ITGA9: variants seen among roughly 807,000 people sequenced by gnomAD.
ITGA9 encodes integrin alpha-9.
A neutral mutation model predicts 127.8 loss-of-function variants in ITGA9; 56 were observed. The ratio of observed to expected loss-of-function variants is 0.44; its 90% CI spans 0.35 to 0.55. ITGA9 has a LOEUF of 0.55. ITGA9 is among the 20% of genes least tolerant of loss of function. ITGA9 has a pLI of 0.00. For synonymous variants in ITGA9, 508 were observed against 514.5 expected (o/e 0.99, Z 0.17); for missense variants, 1,196 against 1,347.1 (o/e 0.89, Z 1.76).
chr3:37,755,406 C>T (rs1261583413), intron 23 of ITGA9, among the ~76,000 whole-genome samples: 1 of 152,022 alleles, frequency 6.6e-6, no homozygotes, highest in Non-Finnish European at 1.5e-5. Flanking sequence ...GGAGGAGCAT[C>T]AACACCAGGG....
At chr3:37,679,534 T>G (rs1700714905) in intron 17 of ITGA9, among the ~76,000 whole-genome samples, 1 of 152,138 alleles carries the variant, frequency 6.6e-6, no homozygotes, top group Admixed American at 6.5e-5. Flanking sequence ...TTGGGTGGGT[T>G]CCCCTTTCTG....
At chr3:37,580,054 C>T in intron 15 of ITGA9, among the ~76,000 whole-genome samples, 1 of 152,194 alleles carries the variant, frequency 6.6e-6, no homozygotes, top group East Asian at 1.9e-4. Context: ...CAGTATGGTA[C>T]ATATGAAGTA....
At chr3:37,461,278 T>C (rs1473858287) in intron 1 of ITGA9, among the ~76,000 whole-genome samples, 1 of 152,200 alleles carries the variant, frequency 6.6e-6, no homozygotes. Flanking sequence ...GAGAGTGGGC[T>C]CCAGCATTAG....
chr3:37,749,991 G>T (rs1696561087), intron 22 of ITGA9, among the ~76,000 whole-genome samples: 4 of 152,060 alleles, frequency 2.6e-5, no homozygotes. Flanking sequence ...ATATGAATCT[G>T]CCAGCCCCAC....
chr3:37,750,857 G>A (rs141442764), intron 23 of ITGA9, among the ~76,000 whole-genome samples: 1 of 152,376 alleles, frequency 6.6e-6, no homozygotes, highest in Non-Finnish European at 1.5e-5. Context: ...AGCAGCATCT[G>A]CAGTTGCATG....
intron 26 of ITGA9, among the ~76,000 whole-genome samples, chr3:37,786,825 A>G (rs1033853309): frequency 6.6e-6 from 1 of 152,148 alleles, no homozygotes; most frequent in African/African-American, 2.4e-5. Context: ...AAGTTGTCCA[A>G]GCACTATTTT....
intron 8 of ITGA9, among the ~76,000 whole-genome samples, chr3:37,509,636 A>G (rs1698881486): frequency 6.6e-6 from 1 of 152,156 alleles, no homozygotes; most frequent in African/African-American, 2.4e-5. Flanking sequence ...CTTAGTGTAT[A>G]ATTGTCATTA....
At chr3:37,779,325 G>T (rs1305662068) in intron 24 of ITGA9, among the ~76,000 whole-genome samples, 1 of 152,050 alleles carries the variant, frequency 6.6e-6, no homozygotes, top group Non-Finnish European at 1.5e-5. Context: ...AACTGGTCTT[G>T]AACTCCTGAT....
chr3:37,730,075 A>G (rs998155516), intron 18 of ITGA9, among the ~76,000 whole-genome samples: 4 of 152,198 alleles, frequency 2.6e-5, no homozygotes, highest in Non-Finnish European at 4.4e-5. Context: ...AGGAATTCCC[A>G]GTGAGGTATT....
At chr3:37,696,504 C>G (rs1448122612) in intron 18 of ITGA9, among the ~76,000 whole-genome samples, 3 of 152,180 alleles carry the variant, frequency 2.0e-5, no homozygotes, top group Non-Finnish European at 4.4e-5. Context: ...TGCCACAGCT[C>G]CATACTAGGT....
chr3:37,778,833 T>C (rs893657092), intron 24 of ITGA9, among the ~76,000 whole-genome samples: 4 of 151,324 alleles, frequency 2.6e-5, no homozygotes, highest in African/African-American at 7.3e-5. Context: ...TCTTTTCTCC[T>C]GTTGGAGAAG....
chr3:37,698,521 T>C (rs1013969197), intron 18 of ITGA9, among the ~76,000 whole-genome samples: 3 of 152,226 alleles, frequency 2.0e-5, no homozygotes, highest in African/African-American at 7.2e-5. Context: ...GTATAAGGTG[T>C]AAGGAAGAGA....
intron 15 of ITGA9, among the ~76,000 whole-genome samples, chr3:37,614,562 G>A (rs1398575794): frequency 2.0e-5 from 3 of 150,812 alleles, no homozygotes; most frequent in African/African-American, 7.3e-5. Flanking sequence ...GGGCAGTATG[G>A]CCATTTTCAC....
chr3:37,790,142 C>A, intron 26 of ITGA9: 1 of 564,292 alleles, frequency 1.8e-6, no homozygotes, highest in South Asian at 1.4e-5. Context: ...TTTATCATAT[C>A]AAAGTGATGA....
At chr3:37,612,556 A>T (rs1343991713) in intron 15 of ITGA9, among the ~76,000 whole-genome samples, 3 of 152,216 alleles carry the variant, frequency 2.0e-5, no homozygotes, top group Non-Finnish European at 4.4e-5. Context: ...AATGGAAGGA[A>T]ATGCTAAATT....
chr3:37,738,918 G>C (rs993700344), intron 20 of ITGA9, among the ~76,000 whole-genome samples: 6 of 152,210 alleles, frequency 3.9e-5, no homozygotes, highest in Admixed American at 2.0e-4. Flanking sequence ...CAGCAGCAGT[G>C]CTCTGGTTTT....
intron 5 of ITGA9, 45 bp from the exon 6 acceptor site, chr3:37,503,133 C>CTCCTCACT (rs1435346335): frequency 4.3e-6 from 7 of 1,609,908 alleles, no homozygotes; most frequent in Non-Finnish European, 5.9e-6. Flanking sequence ...CCCTCCTCCC[C>CTCCTCACT]TCCTCACTTC....
At position 37,693,694 on chromosome 3, in the gene ITGA9, A is replaced by T. The variant is rs78437734; in HGVS notation, c.2067+9679A>T. The stretch of plus-strand genomic sequence containing the variant: ...TTTTAGACAGAAGGTTCCATACAGA[A>T]ACTGCATCTGGGCAGGAGAACAAAG... On this transcript the variant is annotated intron_variant, in intron 18 of 27. Transcript: ENST00000264741. Among the ~76,000 whole-genome samples the T allele has an allele frequency of 8.6e-3, 1,317 of 152,296 alleles. 17 individuals are homozygous for T. Among genetic ancestry groups the T allele is most frequent in the African/African-American group, 0.029 (1,194 of 41,556 alleles).
chr3:37,653,896 T>C, intron 17 of ITGA9, 106 bp downstream of exon 17: 1 of 795,180 alleles, frequency 1.3e-6, no homozygotes, highest in Non-Finnish European at 2.2e-6. Flanking sequence ...ATAAACAGAG[T>C]TGATGGGTTA....
Sources: allele counts gnomAD v4.1 joint callset (sites outside exome capture counted in the v4.1 genomes callset), GRCh38; gene constraint gnomAD v4.1.1; transcripts MANE v1.5; gene names NCBI Gene and HGNC (gene_info 2026-07-23, HGNC 2026-07-21).